ANO8: variants seen among roughly 807,000 people sequenced by gnomAD.
ANO8 encodes the protein anoctamin-8.
In ANO8, 67 loss-of-function variants were observed where a neutral mutation model predicts 120.4. That is an observed-to-expected ratio of 0.56 (90% CI 0.46 to 0.68). ANO8 has a LOEUF of 0.68. Among genes scored for constraint, ANO8 ranks in the 30% least tolerant of loss-of-function variants. The pLI, the probability that ANO8 is intolerant of heterozygous loss-of-function variation, is 0.00. For missense variants in ANO8, 1,526 were observed against 1,737.6 expected (o/e 0.88, Z 2.16); for synonymous variants, 727 against 759.2 (o/e 0.96, Z 0.70).
In ANO8 at chr19:17,328,424, G is replaced by A. The variant is rs1274986907; in HGVS notation, c.1964C>T (p.Thr655Ile). ...CGCCTCGTCGTCCTCCTCGGCCAGGGTGAACACTCCCGGCTCCAGCCCCTT... is the reference window on the plus strand; with the variant it reads ...CGCCTCGTCGTCCTCCTCGGCCAGGATGAACACTCCCGGCTCCAGCCCCTT... ...VEKGLEPGVF[T>I]LAEEDDEAEG... Residue 655 changes from threonine (T) to isoleucine (I), a missense_variant, in exon 13 of 18, where the codon ACC becomes ATC. Transcript: ENST00000159087. 1.3e-6 allele frequency: 2 copies of A among 1,576,688 alleles called. No homozygotes were observed. The highest frequency in any genetic ancestry group is 1.7e-6 in the Non-Finnish European group (2 of 1,167,202).
Position 17,325,183 on chromosome 19 carries a change from C to A in ANO8, c.2865G>T (p.Ala955=). 6.2e-7 allele frequency: 1 copy of A among 1,613,058 alleles called. No individual in the cohort carries two copies. Among genetic ancestry groups the A allele is most frequent in the South Asian group, 1.1e-5 (1 of 91,042 alleles). The change falls in exon 17 of 18, where the codon GCG becomes GCT. Residue 955 remains alanine, a synonymous_variant. Transcript: ENST00000159087. ...KASAKAKGST[A]GGHGPERPKR... is the part of the protein sequence containing the mutation. ...TGGGCCGTTCAGGCCCGTGGCCACC[C>A]GCAGTGCTGCCCTTGGCCTTGGCAG...
rs745470470 is a variant in ANO8 at position 17,330,831 on chromosome 19, G to A, written c.990C>T (p.Phe330=). Reference sequence around the variant, plus strand: ...CTGGACTCAGCCCCCAACTGACCCTGAACTGGGGGCGTGGCTCCTCCACGG... The same window carrying A: ...CTGGACTCAGCCCCCAACTGACCCTAAACTGGGGGCGTGGCTCCTCCACGG... ...GEAVEEPRPQ[F]RGVRRISPIT... is the part of the protein sequence containing the mutation. The change falls in exon 8 of 18, where the codon TTC becomes TTT. Residue 330 remains phenylalanine, a synonymous_variant. Coordinates refer to ENST00000159087, the MANE Select transcript of ANO8 (RefSeq NM_020959.3). The A allele has an allele frequency of 1.9e-6, 3 of 1,613,570 alleles. No individual in the cohort carries two copies. In the African/African-American group the frequency reaches 4.0e-5, roughly 22 times the overall value.
Position 17,328,433 on chromosome 19 carries a change from C to G in ANO8, c.1955G>C (p.Gly652Ala). The change falls in exon 13 of 18, where the codon GGA becomes GCA. Residue 652 changes from glycine to alanine, a missense_variant. Physicochemically the swap from Gly to Ala is moderately conservative, Grantham distance 60. Transcript: ENST00000159087. ...GTCCTCCTCGGCCAGGGTGAACACT[C>G]CCGGCTCCAGCCCCTTCTCCACCAT... ...PTMVEKGLEP[G>A]VFTLAEEDDE... The G allele has an allele frequency of 6.3e-7, 1 of 1,576,182 alleles. No individual in the cohort carries two copies. Among genetic ancestry groups the G allele is most frequent in the Non-Finnish European group, 8.6e-7 (1 of 1,166,850 alleles).
In ANO8 at chr19:17,333,762, A is replaced by G. The variant is rs923087661; in HGVS notation, c.145T>C (p.Tyr49His). The change falls in exon 2 of 18, where the codon TAC (tyrosine) becomes CAC (histidine). Residue 49 changes from tyrosine (Y) to histidine (H), a missense_variant. This residue lies in a region of ANO8 where 322 missense variants were observed against 431.8 expected (regional missense o/e 0.75). Transcript: ENST00000159087. The surrounding 1 kb of genome is among the most constrained non-coding windows in gnomAD (Gnocchi z 7.2). The part of the protein sequence containing the change: ...FGKRLLQAGR[Y>H]LVSHKAWMKT... ...ATCCACGCCTTGTGGGACACCAGGT[A>G]GCGACCAGCCTGCAGGAGCCGCTTT... 5.6e-6 allele frequency: 9 copies of G among 1,607,306 alleles called. No homozygotes were observed. Among genetic ancestry groups the G allele is most frequent in the Admixed American group, 5.0e-5 (3 of 59,522 alleles).
Position 17,330,857 on chromosome 19 carries a change from C to T in ANO8, c.964G>A (p.Ala322Thr), listed in dbSNP as rs1470153478. 6.2e-7 allele frequency: 1 copy of T among 1,614,164 alleles called. No homozygotes were observed. ...KWGTLDSPGE[A>T]VEEPRPQFRG... is the part of the protein sequence containing the mutation. The stretch of plus-strand genomic sequence containing the variant: ...AACTGGGGGCGTGGCTCCTCCACGG[C>T]TTCCCCAGGTGAGTCCAGCGTCCCC... The change falls in exon 8 of 18, where the codon GCC becomes ACC. Residue 322 changes from alanine to threonine, a missense_variant. This residue lies in a region of ANO8 where 322 missense variants were observed against 431.8 expected (regional missense o/e 0.75). Transcript: ENST00000159087.
At position 17,333,540 on chromosome 19, in the gene ANO8, G is replaced by C. The variant is rs760833411; in HGVS notation, c.232C>G (p.His78Asp). ...TGGTTCAGCAGCCATAGCAGCGTGT[G>C]GTCATCGGTCGTGTCTGCCAAGGGG... ...LMTFPDTTDD[H>D]TLLWLLNHIR... is the part of the protein sequence containing the mutation. Residue 78 changes from histidine (H) to aspartate (D), a missense_variant, in exon 3 of 18, where the codon CAC becomes GAC. This residue lies in a region of ANO8 where 322 missense variants were observed against 431.8 expected (regional missense o/e 0.75). Coordinates refer to ENST00000159087, the MANE Select transcript of ANO8 (RefSeq NM_020959.3). The surrounding 1 kb of genome is among the most constrained non-coding windows in gnomAD (Gnocchi z 7.2). 1 of 1,612,716 alleles carries C rather than the reference G, an allele frequency of 6.2e-7. No homozygotes were observed. The highest frequency in any genetic ancestry group is 8.5e-7 in the Non-Finnish European group (1 of 1,179,974).
chr19:17,328,359 T>C lies in ANO8; in HGVS notation c.2029A>G (p.Ile677Val), dbSNP rs759844321. The C allele has an allele frequency of 6.3e-7, 1 of 1,575,476 alleles. No individual in the cohort carries two copies. Among genetic ancestry groups the C allele is most frequent in the Non-Finnish European group, 8.6e-7 (1 of 1,164,890 alleles). ...TCGCCCCCGGCCCGGCGGAACAAGATGGCCGGGGGCTCCCGTTCAGGGCTG... is the reference window on the plus strand; with the variant it reads ...TCGCCCCCGGCCCGGCGGAACAAGACGGCCGGGGGCTCCCGTTCAGGGCTG... ...PGSPEREPPA[I>V]LFRRAGGEGR... is the part of the protein sequence containing the mutation. Residue 677 changes from isoleucine to valine, a missense_variant, in exon 13 of 18, where the codon ATC becomes GTC. Ile to Val is a conservative substitution (Grantham distance 29). This residue lies in a region of ANO8 where 467 missense variants were observed against 425.8 expected (regional missense o/e 1.10). Coordinates refer to ENST00000159087, the MANE Select transcript of ANO8 (RefSeq NM_020959.3).
intron 1 of ANO8, among the ~76,000 whole-genome samples, chr19:17,334,069 G>A (rs931790855): frequency 1.4e-4 from 22 of 152,134 alleles, no homozygotes; most frequent in African/African-American, 5.3e-4. Context: ...CAATCGATGG[G>A]GCGCTCACTA....
rs906948330 is a variant in ANO8, at chr19:17,323,819, G to A, written c.3397C>T (p.Pro1133Ser). Residue 1133 changes from proline to serine, a missense_variant, in exon 18 of 18, where the codon CCG becomes TCG. This residue lies in a region of ANO8 where 489 missense variants were observed against 548.6 expected (regional missense o/e 0.89). Coordinates refer to ENST00000159087, the MANE Select transcript of ANO8 (RefSeq NM_020959.3). ...RTRRSRSPAP[P>S]PPMPLPRPPT... ...GGCCGGGGCAGCGGCATTGGCGGCG[G>A]CGGCGCGGGGCTCCGGCTGCGGCGG... The A allele has an allele frequency of 4.4e-6, 5 of 1,137,262 alleles. No individual in the cohort carries two copies. The African/African-American group carries it at 8.3e-5, about 19-fold the overall frequency. 70.4% of individuals were successfully genotyped at this position (1,137,262 alleles called of 1,614,324 possible).
rs940941359 is a variant in ANO8, at chr19:17,329,130, G to C, written c.1405-147C>G. On this transcript the variant is annotated intron_variant, in intron 12 of 17. Coordinates refer to ENST00000159087, the MANE Select transcript of ANO8 (RefSeq NM_020959.3). ...TTCCTAACTCCGCTGCTTTGGACGC[G>C]CCTCGACGCGAGGCCCCCAGCGCTC... 8 of 600,660 alleles carry C rather than the reference G, an allele frequency of 1.3e-5. No homozygotes were observed. In the South Asian group the frequency reaches 1.9e-4, roughly 15 times the overall value. The allele number at this position is 600,660 out of a possible 1,614,324, so 37.2% of individuals were successfully genotyped here.
intron 12 of ANO8, 189 bp downstream of exon 12, chr19:17,329,568 A>G: frequency 1.6e-6 from 1 of 609,422 alleles, no homozygotes; most frequent in Non-Finnish European, 2.9e-6. Flanking sequence ...GGACAGATGG[A>G]CGGACAGATG....
chr19:17,326,679 G>A (rs377618420), intron 16 of ANO8, among the ~76,000 whole-genome samples: 1 of 152,256 alleles, frequency 6.6e-6, no homozygotes, highest in African/African-American at 2.4e-5. Context: ...GGACAGTGCA[G>A]ACAAAGGACA....
rs2074332957 is a variant in ANO8 at position 17,333,232 on chromosome 19, G to A, written c.358C>T (p.Arg120Ter). The A allele has an allele frequency of 1.2e-6, 2 of 1,609,204 alleles. No homozygotes were observed. Among genetic ancestry groups the A allele is most frequent in the African/African-American group, 2.7e-5 (2 of 74,978 alleles). The change falls in exon 4 of 18, where the codon CGA (arginine) becomes TGA (stop). Residue 120 changes from arginine (R) to a stop codon, truncating the protein, a stop_gained. Coordinates refer to ENST00000159087, the MANE Select transcript of ANO8 (RefSeq NM_020959.3). LOFTEE classifies it high-confidence loss of function. This position sits in a 1 kb window ranked among gnomAD's most constrained non-coding sequence, Gnocchi z 7.2. Reference sequence around the variant, plus strand: ...CGCAGACCCAGCTCGTCGGCCCCTCGGAGTAGGCTGTGAAGAAGGCGGAGG... The same window carrying A: ...CGCAGACCCAGCTCGTCGGCCCCTCAGAGTAGGCTGTGAAGAAGGCGGAGG... ...FVTATYESLLRGADELGLRKA... is the reference protein window; with the variant it reads ...FVTATYESLL
rs759164193 is a variant in ANO8, at chr19:17,333,731, G to A, written c.176C>T (p.Thr59Met). 6 of 1,609,228 alleles carry A rather than the reference G, an allele frequency of 3.7e-6. No homozygotes were observed. Among genetic ancestry groups the A allele is most frequent in the Non-Finnish European group, 4.2e-6 (5 of 1,178,754 alleles). ...YLVSHKAWMK[T>M]VPTENCDVLM... Reference sequence around the variant, plus strand: ...CACGTCGCAGTTCTCTGTAGGCACCGTCTTCATCCACGCCTTGTGGGACAC... The same window carrying A: ...CACGTCGCAGTTCTCTGTAGGCACCATCTTCATCCACGCCTTGTGGGACAC... The change falls in exon 2 of 18, where the codon ACG (threonine) becomes ATG (methionine). Residue 59 changes from threonine (T) to methionine (M), a missense_variant. Physicochemically the swap from Thr to Met is moderately conservative, Grantham distance 81. Around this residue, in one of 8 missense-constraint regions of ANO8, gnomAD observed 322 missense variants for 431.8 expected, o/e 0.75. Transcript: ENST00000159087. The surrounding 1 kb of genome is among the most constrained non-coding windows in gnomAD (Gnocchi z 7.2).
At chr19:17,332,671 C>T (rs898601356) in intron 5 of ANO8, among the ~76,000 whole-genome samples, 9 of 152,196 alleles carry the variant, frequency 5.9e-5, no homozygotes, top group Non-Finnish European at 8.8e-5. Context: ...GTTCCCAACC[C>T]TTTGCCAACC....
intron 9 of ANO8, 49 bp downstream of exon 9, chr19:17,330,303 G>A (rs749097834): frequency 6.2e-7 from 1 of 1,612,990 alleles, no homozygotes; most frequent in Non-Finnish European, 8.5e-7. Context: ...CTCAGCCCAA[G>A]GTGGAGCTAG....
In ANO8 at chr19:17,330,825, G is replaced by T. The variant is rs780866893; in HGVS notation, c.993+3C>A. On this transcript the variant is annotated splice_donor_region_variant and intron_variant, in intron 8 of 17. Coordinates refer to ENST00000159087, the MANE Select transcript of ANO8 (RefSeq NM_020959.3). ...ATGACCCTGGACTCAGCCCCCAACT[G>T]ACCCTGAACTGGGGGCGTGGCTCCT... 1.9e-6 allele frequency: 3 copies of T among 1,613,094 alleles called. No homozygotes were observed. Among genetic ancestry groups the T allele is most frequent in the Non-Finnish European group, 2.5e-6 (3 of 1,179,480 alleles).
In ANO8 at chr19:17,325,130, T is replaced by G; in HGVS notation, c.2918A>C (p.Asn973Thr). 1 of 1,613,686 alleles carries G rather than the reference T, an allele frequency of 6.2e-7. No individual in the cohort carries two copies. The highest frequency in any genetic ancestry group is 8.5e-7 in the Non-Finnish European group (1 of 1,179,940). The change falls in exon 17 of 18, where the codon AAC becomes ACC. Residue 973 changes from asparagine to threonine, a missense_variant. Asn to Thr is a moderately conservative substitution (Grantham distance 65). Around this residue, in one of 8 missense-constraint regions of ANO8, gnomAD observed 489 missense variants for 548.6 expected, o/e 0.89. Transcript: ENST00000159087. ...PKRPGSLLAP[N>T]NVMKLKQIIP... ...GATCTGCTTCAACTTCATGACGTTGTTGGGTGCCAGCAGGGACCCTGGGCG... is the reference window on the plus strand; with the variant it reads ...GATCTGCTTCAACTTCATGACGTTGGTGGGTGCCAGCAGGGACCCTGGGCG...
intron 1 of ANO8, among the ~76,000 whole-genome samples, chr19:17,334,319 G>T (rs1479680750): frequency 6.6e-6 from 1 of 152,216 alleles, no homozygotes; most frequent in East Asian, 1.9e-4. Flanking sequence ...GCAGCCCGGG[G>T]GTGGCAGGGC....
Sources: gnomAD v4.1 joint callset for allele counts (sites outside exome capture counted in the v4.1 genomes callset) on GRCh38, gnomAD v4.1.1 for gene constraint, gnomAD v4.1.1 regional missense constraint, Gnocchi (gnomAD v3.1) non-coding constraint, MANE v1.5 for transcripts, NCBI Gene and HGNC (gene_info 2026-07-23, HGNC 2026-07-21) for gene names.